Variants in PTGFRN observed in about 807,000 individuals in gnomAD.
The protein encoded by PTGFRN is prostaglandin F2 receptor negative regulator.
In PTGFRN, 35 loss-of-function variants were observed where a neutral mutation model predicts 83.2. That is an observed-to-expected ratio of 0.42 (90% CI 0.32 to 0.56). The LOEUF is 0.56. PTGFRN is among the 20% of genes least tolerant of loss of function. The pLI, the probability that PTGFRN is intolerant of heterozygous loss-of-function variation, is 0.11. For synonymous variants in PTGFRN, 519 were observed against 498.6 expected, an observed-to-expected ratio of 1.04 and a Z score of -0.55; for missense variants, 1,051 against 1,179.5, an observed-to-expected ratio of 0.89 and a Z score of 1.60.
chr1:116,924,511 C>A (rs1455645500), intron 1 of PTGFRN, among the ~76,000 whole-genome samples: 1 of 151,974 alleles, frequency 6.6e-6, no homozygotes, highest in Non-Finnish European at 1.5e-5. Flanking sequence ...TCCAGAGCAC[C>A]CAGATAGTTG....
At chr1:116,925,889 T>G (rs1017518470) in intron 1 of PTGFRN, among the ~76,000 whole-genome samples, 4 of 152,206 alleles carry the variant, frequency 2.6e-5, no homozygotes, top group Non-Finnish European at 5.9e-5. Context: ...AGTATCAGAC[T>G]GTAGTTAAAG....
chr1:116,945,298 G>A (rs1650170748), intron 3 of PTGFRN, among the ~76,000 whole-genome samples: 1 of 152,174 alleles, frequency 6.6e-6, no homozygotes, highest in Non-Finnish European at 1.5e-5. Context: ...GAGGATGCCT[G>A]TCGTTTTGCT....
chr1:116,976,702 C>T (rs1025635925), intron 7 of PTGFRN, among the ~76,000 whole-genome samples: 1 of 152,178 alleles, frequency 6.6e-6, no homozygotes, highest in Non-Finnish European at 1.5e-5. Context: ...CAGGCCTGCC[C>T]TACAAGAGCT....
chr1:116,946,993 T>G (rs2101066818), intron 3 of PTGFRN, among the ~76,000 whole-genome samples: 1 of 152,324 alleles, frequency 6.6e-6, no homozygotes, highest in African/African-American at 2.4e-5. Context: ...ACTACACTGG[T>G]TTGTTGCTTA....
In PTGFRN at chr1:116,987,890, G is replaced by A. The variant is rs942847455; in HGVS notation, c.*923G>A. On this transcript the variant is annotated 3_prime_UTR_variant, in exon 9 of 9. Transcript: ENST00000393203. Reference sequence around the variant, plus strand: ...AGGGATCCCACGAAGTTATTCTTACGCAGCTGGGGCCAGGAGGGTCAGAGT... The same window carrying A: ...AGGGATCCCACGAAGTTATTCTTACACAGCTGGGGCCAGGAGGGTCAGAGT... The A allele has an allele frequency of 3.3e-5, 5 of 152,376 alleles. No homozygotes were observed. The East Asian group carries it at 7.7e-4, about 23-fold the overall frequency. The allele number at this position is 152,376 out of a possible 1,614,324, so 9.4% of individuals were successfully genotyped here.
Position 116,967,289 on chromosome 1 carries a change from CCAGT to C in PTGFRN, c.2020_2023del (p.Leu675ProfsTer6). On this transcript the variant is annotated frameshift_variant, in exon 6 of 9. Coordinates refer to ENST00000393203, the MANE Select transcript of PTGFRN (RefSeq NM_020440.4). LOFTEE classifies it high-confidence loss of function. ...GGCAGCCTTTGGCGAGAAGCAGCAA[CCAGT>C]CTCTCCAATCCTATTGAGATAGACT... 1 of 1,614,158 alleles carries C rather than the reference CCAGT, an allele frequency of 6.2e-7. No individual in the cohort carries two copies. The highest frequency in any genetic ancestry group is 8.5e-7 in the Non-Finnish European group (1 of 1,179,998).
At chr1:116,973,450 C>G (rs182462461) in intron 6 of PTGFRN, among the ~76,000 whole-genome samples, 3 of 151,832 alleles carry the variant, frequency 2.0e-5, no homozygotes, top group Admixed American at 2.0e-4. Context: ...ACTAAAAATA[C>G]AAAAATTTGC....
At chr1:116,983,145 T>C (rs1406926316) in intron 7 of PTGFRN, among the ~76,000 whole-genome samples, 1 of 152,202 alleles carries the variant, frequency 6.6e-6, no homozygotes, top group Non-Finnish European at 1.5e-5. Flanking sequence ...GTCATTTTCA[T>C]TTTGCAGATG....
At position 116,967,143 on chromosome 1, in the gene PTGFRN, G is replaced by T. The variant is rs781100109; in HGVS notation, c.1872G>T (p.Arg624=). The change falls in exon 6 of 9, where the codon CGG becomes CGT. Residue 624 remains arginine, a synonymous_variant. Transcript: ENST00000393203. ...VKLENWTDAS[R]VDGVVLEKVQ... ...TGGAGAATTGGACAGATGCATCACG[G>T]GTGGATGGCGTTGTTTTAGAAAAAG... The T allele has an allele frequency of 6.2e-7, 1 of 1,614,184 alleles. No individual in the cohort carries two copies. Among genetic ancestry groups the T allele is most frequent in the South Asian group, 1.1e-5 (1 of 91,076 alleles).
intron 1 of PTGFRN, among the ~76,000 whole-genome samples, chr1:116,924,830 G>A (rs972451334): frequency 3.9e-5 from 6 of 152,196 alleles, no homozygotes; most frequent in African/African-American, 1.4e-4. Context: ...ATTGAGATAG[G>A]AGTGATCACA....
In PTGFRN at chr1:116,944,675, G is replaced by A; in HGVS notation, c.419-4G>A. On this transcript the variant is annotated splice_region_variant and splice_polypyrimidine_tract_variant and intron_variant, in intron 2 of 8. Transcript: ENST00000393203. ...GCTACTGACCTAGCTTTCTCTCTCC[G>A]CAGTGCTGGCCGACTCCCTGCACGT... 2 of 1,415,846 alleles carry A rather than the reference G, an allele frequency of 1.4e-6. No individual in the cohort carries two copies. The highest frequency in any genetic ancestry group is 1.8e-6 in the Non-Finnish European group (2 of 1,086,190). 87.7% of individuals were successfully genotyped at this position (1,415,846 alleles called of 1,614,324 possible). A position where few individuals can be genotyped will look rare whatever the true frequency, so the allele number is the denominator to read the frequency against.
chr1:116,975,647 C>A (rs2101086325), intron 7 of PTGFRN, among the ~76,000 whole-genome samples: 1 of 152,358 alleles, frequency 6.6e-6, no homozygotes, highest in East Asian at 1.9e-4. Flanking sequence ...CTCCAACAGA[C>A]CTGCAGCTGA....
chr1:116,930,540 A>G (rs1414693523), intron 1 of PTGFRN, among the ~76,000 whole-genome samples: 2 of 152,218 alleles, frequency 1.3e-5, no homozygotes, highest in Middle Eastern at 3.4e-3. Context: ...GGACATTTCT[A>G]CTGGTCAAAA....
chr1:116,961,284 G>A lies in PTGFRN; in HGVS notation c.1255G>A (p.Gly419Arg), dbSNP rs745346068. Residue 419 changes from glycine to arginine, a missense_variant, in exon 5 of 9, where the codon GGG becomes AGG. Gly to Arg is a moderately radical substitution (Grantham distance 125, BLOSUM62 -2). Coordinates refer to ENST00000393203, the MANE Select transcript of PTGFRN (RefSeq NM_020440.4). The surrounding 1 kb of genome is among the most constrained non-coding windows in gnomAD (Gnocchi z 5.4). ...QVYLNASKVP[G>R]FADDPTELAC... ...GTACCTGAATGCTTCCAAGGTCCCC[G>A]GGTTTGCGGATGACCCCACAGAGCT... is the stretch of plus-strand genomic sequence containing the variant. The A allele has an allele frequency of 9.1e-6, 14 of 1,534,166 alleles. No homozygotes were observed. Among genetic ancestry groups the A allele is most frequent in the African/African-American group, 2.8e-5 (2 of 72,406 alleles).
At chr1:116,963,737 G>A (rs917414810) in intron 5 of PTGFRN, among the ~76,000 whole-genome samples, 5 of 151,714 alleles carry the variant, frequency 3.3e-5, no homozygotes, top group African/African-American at 7.3e-5. Flanking sequence ...CCTCCCGAGC[G>A]GTTGGGACTG....
At chr1:116,937,822 G>T (rs1649959449) in intron 1 of PTGFRN, among the ~76,000 whole-genome samples, 1 of 152,118 alleles carries the variant, frequency 6.6e-6, no homozygotes, top group South Asian at 2.1e-4. Flanking sequence ...CCTAGAGGTG[G>T]CCTGCTCAGC....
Position 116,944,908 on chromosome 1 carries a change from C to T in PTGFRN, c.648C>T (p.His216=), listed in dbSNP as rs559930001. ...GCCTGGGGTACGAGCAGCGCTACCA[C>T]AGTGGGGACGTGCGCCTCGACACCG... The part of the protein sequence containing the change: ...HPGLGYEQRY[H]SGDVRLDTVG... The change falls in exon 3 of 9, where the codon CAC becomes CAT. Residue 216 remains histidine (H), a synonymous_variant. Coordinates refer to ENST00000393203, the MANE Select transcript of PTGFRN (RefSeq NM_020440.4). 5 of 1,612,428 alleles carry T rather than the reference C, an allele frequency of 3.1e-6. No individual in the cohort carries two copies. The South Asian group carries it at 5.5e-5, about 18-fold the overall frequency.
chr1:116,967,831 T>C (rs762908410), intron 6 of PTGFRN, among the ~76,000 whole-genome samples: 15 of 152,228 alleles, frequency 9.9e-5, no homozygotes, highest in Non-Finnish European at 1.9e-4. Context: ...CATTCATCAG[T>C]TGATGGACAT....
In PTGFRN at chr1:116,984,887, A is replaced by C; in HGVS notation, c.2375A>C (p.Tyr792Ser). Residue 792 changes from tyrosine to serine, a missense_variant, in exon 8 of 9, where the codon TAC becomes TCC. Coordinates refer to ENST00000393203, the MANE Select transcript of PTGFRN (RefSeq NM_020440.4). ...GAGGACCAGGACTTTGGCAACTACT[A>C]CTGTTCCGTGACTCCATGGGTGAAG... is the stretch of plus-strand genomic sequence containing the variant. ...GSEDQDFGNY[Y>S]CSVTPWVKSP... 6 of 1,614,054 alleles carry C rather than the reference A, an allele frequency of 3.7e-6. No homozygotes were observed. The highest frequency in any genetic ancestry group is 4.2e-6 in the Non-Finnish European group (5 of 1,179,996).
Sources: allele counts gnomAD v4.1 joint callset (sites outside exome capture counted in the v4.1 genomes callset), GRCh38; gene constraint gnomAD v4.1.1; non-coding constraint Gnocchi (gnomAD v3.1); transcripts MANE v1.5; gene names NCBI Gene and HGNC (gene_info 2026-07-23, HGNC 2026-07-21).